The following PPFIA4 variants were observed in gnomAD, a reference collection of about 807,000 sequenced individuals.
The protein encoded by PPFIA4 is liprin-alpha-4.
A neutral mutation model predicts 145.7 loss-of-function variants in PPFIA4; 98 were observed. The observed-to-expected ratio is 0.67, with a 90% CI of 0.57 to 0.80. The LOEUF (loss-of-function observed/expected upper bound fraction) is 0.80. Among genes scored for constraint, PPFIA4 ranks in the 30% least tolerant of loss-of-function variants. The pLI is 0.00. For synonymous variants in PPFIA4, 628 were observed against 649.6 expected (o/e 0.97, Z 0.51); for missense variants, 1,457 against 1,632.7 (o/e 0.89, Z 1.85).
rs756414801 is a variant in PPFIA4, at chr1:203,055,479, T to TTGAGACGCG, written c.1880_1888dup (p.Glu627_Arg629dup). 3.2e-5 allele frequency: 52 copies of TTGAGACGCG among 1,613,834 alleles called. 1 individual carries two copies. In the South Asian group the frequency reaches 5.4e-4, roughly 17 times the overall value. On this transcript the variant is annotated inframe_insertion, in exon 16 of 30. Coordinates refer to ENST00000295706, the MANE Select transcript of PPFIA4 (RefSeq NM_001304331.2). The surrounding 1 kb of genome is among the most constrained non-coding windows in gnomAD (Gnocchi z 4.8). The stretch of plus-strand genomic sequence containing the variant: ...TCCACGGAGCTCCGCGCGGAGGAGA[T>TTGAGACGCG]TGAGACGCGTGTAACCAGTGGCAGC...
rs552403270 is a variant in PPFIA4, at chr1:203,071,679, C to G, written c.3325-13C>G. On this transcript the variant is annotated splice_polypyrimidine_tract_variant and intron_variant, in intron 27 of 29. Transcript: ENST00000295706. ...CCTTCCCACCTTTCCCTCTCCTGCT[C>G]TATGGACTGCAGGCACGCCAAGTGA... The G allele has an allele frequency of 1.1e-5, 18 of 1,601,514 alleles. No individual in the cohort carries two copies. Among genetic ancestry groups the G allele is most frequent in the South Asian group, 2.2e-5 (2 of 89,946 alleles).
intron 2 of PPFIA4, among the ~76,000 whole-genome samples, chr1:203,040,515 A>G (rs1269522828): frequency 3.3e-5 from 5 of 152,170 alleles, no homozygotes; most frequent in Admixed American, 2.0e-4. Context: ...CTCCTCTTTC[A>G]CTGTGCACGA....
At chr1:203,029,826 T>C (rs1459462850) in intron 1 of PPFIA4, among the ~76,000 whole-genome samples, 2 of 152,178 alleles carry the variant, frequency 1.3e-5, no homozygotes, top group Non-Finnish European at 2.9e-5. Context: ...AACAGTAATA[T>C]GAATGTATAG....
rs1235563816 is a variant in PPFIA4, at chr1:203,055,426, T to G, written c.1830-6T>G. On this transcript the variant is annotated splice_polypyrimidine_tract_variant and splice_region_variant and intron_variant, in intron 15 of 29. Coordinates refer to ENST00000295706, the MANE Select transcript of PPFIA4 (RefSeq NM_001304331.2). The surrounding 1 kb of genome is among the most constrained non-coding windows in gnomAD (Gnocchi z 4.8). ...GTGGTGAGGTCTGGTTTTGCCTCCCTTCCAGGATGATTCAGGAAGAGAAGG... is the reference window on the plus strand; with the variant it reads ...GTGGTGAGGTCTGGTTTTGCCTCCCGTCCAGGATGATTCAGGAAGAGAAGG... 1 of 1,613,792 alleles carries G rather than the reference T, an allele frequency of 6.2e-7. No homozygotes were observed. Among genetic ancestry groups the G allele is most frequent in the Admixed American group, 1.7e-5 (1 of 60,020 alleles).
In PPFIA4 at chr1:203,044,446, A is replaced by C. The variant is rs1246880956; in HGVS notation, c.569A>C (p.His190Pro). 9 of 1,550,868 alleles carry C rather than the reference A, an allele frequency of 5.8e-6. No homozygotes were observed. The highest frequency in any genetic ancestry group is 7.0e-6 in the Non-Finnish European group (8 of 1,147,216). The part of the protein sequence containing the change: ...TTLEEQLAGA[H>P]QQVSALQQGA... ...TTGGAGGAGCAGCTGGCAGGTGCCC[A>C]CCAGCAGGTAATCTGCCTGCTCACC... Residue 190 changes from histidine to proline, a missense_variant, in exon 5 of 30, where the codon CAC becomes CCC. By Grantham distance (77) the His-to-Pro change is moderately conservative. Around this residue, in one of 3 missense-constraint regions of PPFIA4, gnomAD observed 463 missense variants for 459.8 expected, o/e 1.01. Transcript: ENST00000295706.
In PPFIA4 at chr1:203,043,922, C is replaced by A; in HGVS notation, c.337-9C>A. On this transcript the variant is annotated splice_polypyrimidine_tract_variant and intron_variant, in intron 3 of 29. Transcript: ENST00000295706. This position sits in a 1 kb window ranked among gnomAD's most constrained non-coding sequence, Gnocchi z 4.4. Reference sequence around the variant, plus strand: ...CCTCCCTCTCACCCTCCCCTGCTCTCCCTGCCAGCTGCTTCTGGAACATCT... The same window carrying A: ...CCTCCCTCTCACCCTCCCCTGCTCTACCTGCCAGCTGCTTCTGGAACATCT... 6.3e-7 allele frequency: 1 copy of A among 1,592,088 alleles called. No homozygotes were observed. The highest frequency in any genetic ancestry group is 8.6e-7 in the Non-Finnish European group (1 of 1,167,944).
chr1:203,052,857 A>T (rs1465964304), intron 14 of PPFIA4, among the ~76,000 whole-genome samples: 1 of 152,154 alleles, frequency 6.6e-6, no homozygotes, highest in Non-Finnish European at 1.5e-5. Flanking sequence ...GGTTGACCAG[A>T]CTGTCCTGTG....
At chr1:203,032,388 G>T (rs924662122) in intron 1 of PPFIA4, among the ~76,000 whole-genome samples, 1 of 151,464 alleles carries the variant, frequency 6.6e-6, no homozygotes, top group Non-Finnish European at 1.5e-5. Flanking sequence ...AACTATTTGC[G>T]GATGGGGGCC....
In PPFIA4 at chr1:203,051,237, C is replaced by T. The variant is rs532684061; in HGVS notation, c.1512-532C>T. ...TTAGGGCCTCCTAAAGCTTCCTAGGCATAGGGGTATGCCTGGCTTGAATTT... is the reference window on the plus strand; with the variant it reads ...TTAGGGCCTCCTAAAGCTTCCTAGGTATAGGGGTATGCCTGGCTTGAATTT... On this transcript the variant is annotated intron_variant, in intron 13 of 29. Coordinates refer to ENST00000295706, the MANE Select transcript of PPFIA4 (RefSeq NM_001304331.2). 5.1e-6 allele frequency: 5 copies of T among 985,478 alleles called. No homozygotes were observed. The South Asian group carries it at 1.4e-4, about 28-fold the overall frequency. 61.0% of individuals were successfully genotyped at this position (985,478 alleles called of 1,614,324 possible).
rs1323332062 is a variant in PPFIA4 at position 203,060,427 on chromosome 1, C to T, written c.2784+10C>T. ...ACCCACCTCCAGGACTGTGAGTGGC[C>T]CCTCCTTTGCCCAGGACATTTTCAG... On this transcript the variant is annotated intron_variant, in intron 22 of 29. Transcript: ENST00000295706. This position sits in a 1 kb window ranked among gnomAD's most constrained non-coding sequence, Gnocchi z 4.8. 1 of 1,611,038 alleles carries T rather than the reference C, an allele frequency of 6.2e-7. No individual in the cohort carries two copies. Among genetic ancestry groups the T allele is most frequent in the Non-Finnish European group, 8.5e-7 (1 of 1,179,446 alleles).
chr1:203,054,764 A>G (rs771500988), intron 15 of PPFIA4, among the ~76,000 whole-genome samples: 8 of 152,208 alleles, frequency 5.3e-5, no homozygotes, highest in Non-Finnish European at 5.9e-5. Context: ...TTTATTTTGC[A>G]AAGTAAAACA....
At chr1:203,034,547 TG>T (rs1212348483) in intron 1 of PPFIA4, 2 of 453,746 alleles carry the variant, frequency 4.4e-6, no homozygotes, top group Non-Finnish European at 8.8e-6. Flanking sequence ...CCTATGGGAG[TG>T]GGGGGCAGTG....
intron 2 of PPFIA4, among the ~76,000 whole-genome samples, chr1:203,042,575 C>G (rs1659772173): frequency 6.6e-6 from 1 of 152,186 alleles, no homozygotes; most frequent in African/African-American, 2.4e-5. Context: ...TGGAAGAGCT[C>G]CCTGGGGCAC....
Position 203,055,719 on chromosome 1 carries a change from C to CG in PPFIA4, c.2070+52dup. Reference sequence around the variant, plus strand: ...GGCCTGGCATCACTGGACCCTGCACCGGGGGAGGTTTTAAGGGATGGTAGG... The same window carrying CG: ...GGCCTGGCATCACTGGACCCTGCACCGGGGGGAGGTTTTAAGGGATGGTAGG... On this transcript the variant is annotated intron_variant, in intron 16 of 29. Transcript: ENST00000295706. The surrounding 1 kb of genome is among the most constrained non-coding windows in gnomAD (Gnocchi z 4.8). 1 of 1,605,912 alleles carries CG rather than the reference C, an allele frequency of 6.2e-7. No homozygotes were observed. Among genetic ancestry groups the CG allele is most frequent in the Non-Finnish European group, 8.5e-7 (1 of 1,174,128 alleles).
intron 13 of PPFIA4, 150 bp downstream of exon 13, chr1:203,049,917 G>A: frequency 1.5e-6 from 1 of 656,156 alleles, no homozygotes; most frequent in Non-Finnish European, 2.3e-6. Context: ...CTTGGTCAGA[G>A]TCACCCAGCT....
chr1:203,063,393 G>A (rs75663899), intron 24 of PPFIA4: 2,128 of 164,520 alleles, frequency 0.013, 47 homozygotes, highest in African/African-American at 0.046. Flanking sequence ...GCCTTGTCCC[G>A]GAGTGAGACA....
At chr1:203,036,188 A>G (rs1455624509) in intron 1 of PPFIA4, among the ~76,000 whole-genome samples, 1 of 152,146 alleles carries the variant, frequency 6.6e-6, no homozygotes, top group African/African-American at 2.4e-5. Context: ...CCGTGCAATC[A>G]CAGGGTGCTT....
chr1:203,032,426 C>CTTTTTTTTTTTTTTT lies in PPFIA4; in HGVS notation c.-400+5803_-400+5804insTTTTTTTTTTTTTTT, dbSNP rs67178955. Among the ~76,000 whole-genome samples the CTTTTTTTTTTTTTTT allele has an allele frequency of 9.8e-3, 582 of 59,346 alleles. 9 individuals are homozygous for CTTTTTTTTTTTTTTT. Among genetic ancestry groups the CTTTTTTTTTTTTTTT allele is most frequent in the African/African-American group, 0.039 (505 of 12,852 alleles). The allele number at this position is 59,346 out of a possible 152,430, so 38.9% of individuals were successfully genotyped here. Reference sequence around the variant, plus strand: ...GAGGCTTGTAGTTCTCCCTTCCCCGCTTTTTTGTTGTTGTTGTTGTTTTTG... The same window carrying CTTTTTTTTTTTTTTT: ...GAGGCTTGTAGTTCTCCCTTCCCCGCTTTTTTTTTTTTTTTTTTTTTGTTGTTGTTGTTGTTTTTG... On this transcript the variant is annotated intron_variant, in intron 1 of 29. Transcript: ENST00000295706.
At position 203,075,595 on chromosome 1, in the gene PPFIA4, C is replaced by G; in HGVS notation, c.3412C>G (p.Arg1138Gly). The G allele has an allele frequency of 3.4e-6, 5 of 1,462,214 alleles. No homozygotes were observed. Among genetic ancestry groups the G allele is most frequent in the Non-Finnish European group, 4.5e-6 (5 of 1,104,194 alleles). 90.6% of individuals were successfully genotyped at this position (1,462,214 alleles called of 1,614,324 possible). A position where few individuals can be genotyped will look rare whatever the true frequency, so the allele number is the denominator to read the frequency against. ...GGTGCAGGGGGATGACAAGGTGTTTCGCCGCGCGCCCTCCTGGAGGAAGCG... is the reference window on the plus strand; with the variant it reads ...GGTGCAGGGGGATGACAAGGTGTTTGGCCGCGCGCCCTCCTGGAGGAAGCG... ...KLDDGDDKVF[R>G]RAPSWRKRFR... The change falls in exon 29 of 30, where the codon CGC (arginine) becomes GGC (glycine). Residue 1138 changes from arginine to glycine, a missense_variant. Coordinates refer to ENST00000295706, the MANE Select transcript of PPFIA4 (RefSeq NM_001304331.2). This position sits in a 1 kb window ranked among gnomAD's most constrained non-coding sequence, Gnocchi z 4.1.
Sources: allele counts gnomAD v4.1 joint callset (sites outside exome capture counted in the v4.1 genomes callset), GRCh38; gene constraint gnomAD v4.1.1; regional missense constraint gnomAD v4.1.1; non-coding constraint Gnocchi (gnomAD v3.1); transcripts MANE v1.5; gene names NCBI Gene and HGNC (gene_info 2026-07-23, HGNC 2026-07-21).